The following SEL1L variants were observed in gnomAD, a reference collection of about 807,000 sequenced individuals.
SEL1L encodes SEL1L adaptor subunit of SYVN1 ubiquitin ligase.
In SEL1L, 52 loss-of-function variants were observed where a neutral mutation model predicts 109.8. The observed-to-expected ratio is 0.47, with a 90% CI of 0.38 to 0.60. The LOEUF (loss-of-function observed/expected upper bound fraction) is 0.60. SEL1L is among the 20% of genes least tolerant of loss of function. The pLI, the probability that SEL1L is intolerant of heterozygous loss-of-function variation, is 0.00. For missense variants in SEL1L, 749 were observed against 962.2 expected, an observed-to-expected ratio of 0.78 and a Z score of 2.93; for synonymous variants, 373 against 339.6, an observed-to-expected ratio of 1.10 and a Z score of -1.08.
intron 2 of SEL1L, among the ~76,000 whole-genome samples, chr14:81,527,217 G>T (rs931087048): frequency 2.0e-5 from 3 of 152,006 alleles, no homozygotes; most frequent in Non-Finnish European, 4.4e-5. Context: ...TCTGGGTTCG[G>T]TTTTCCTCCA....
intron 3 of SEL1L, among the ~76,000 whole-genome samples, chr14:81,509,582 A>G (rs965879722): frequency 6.6e-5 from 10 of 152,242 alleles, no homozygotes; most frequent in Non-Finnish European, 1.5e-4. Context: ...TTACACTTCA[A>G]CTAGTAGAAA....
chr14:81,519,136 C>T (rs1042244295), intron 3 of SEL1L, among the ~76,000 whole-genome samples: 2 of 152,206 alleles, frequency 1.3e-5, no homozygotes, highest in African/African-American at 4.8e-5. Context: ...CTCTAGTTCT[C>T]TAATAAGCTA....
chr14:81,512,708 T>C (rs562004867), intron 3 of SEL1L, among the ~76,000 whole-genome samples: 7 of 152,360 alleles, frequency 4.6e-5, no homozygotes, highest in East Asian at 1.9e-4. Flanking sequence ...GGTTCTGCCA[T>C]TGTCTGATGG....
At chr14:81,532,063 C>T (rs1441681723) in intron 1 of SEL1L, among the ~76,000 whole-genome samples, 1 of 152,200 alleles carries the variant, frequency 6.6e-6, no homozygotes, top group Admixed American at 6.5e-5. Context: ...AGTGTTAAGT[C>T]TTTTATTACA....
At chr14:81,517,178 T>C (rs947838490) in intron 3 of SEL1L, among the ~76,000 whole-genome samples, 1 of 152,128 alleles carries the variant, frequency 6.6e-6, no homozygotes, top group Non-Finnish European at 1.5e-5. Context: ...AGCTGCTGTT[T>C]GTTGAGAGCC....
chr14:81,531,749 C>A (rs1885332479), intron 1 of SEL1L, among the ~76,000 whole-genome samples: 1 of 152,002 alleles, frequency 6.6e-6, no homozygotes, highest in Non-Finnish European at 1.5e-5. Context: ...CGCCATGTTG[C>A]CCAGGTTGGT....
intron 1 of SEL1L, 81 bp from the exon 2 acceptor site, chr14:81,527,819 A>T: frequency 2.3e-6 from 2 of 867,048 alleles, no homozygotes; most frequent in Non-Finnish European, 3.7e-6. Context: ...TGTGAAAAGT[A>T]TAGCAAATAA....
chr14:81,481,852 G>A (rs1414551749), intron 19 of SEL1L, among the ~76,000 whole-genome samples: 1 of 152,052 alleles, frequency 6.6e-6, no homozygotes, highest in Non-Finnish European at 1.5e-5. Context: ...CCAAGATGGT[G>A]AAACCCCGTC....
At position 81,506,297 on chromosome 14, in the gene SEL1L, G is replaced by T; in HGVS notation, c.341-56C>A. The T allele has an allele frequency of 4.3e-6, 6 of 1,392,622 alleles. No homozygotes were observed. The South Asian group carries it at 9.4e-5, about 22-fold the overall frequency. The allele number at this position is 1,392,622 out of a possible 1,614,324, so 86.3% of individuals were successfully genotyped here. Reference sequence around the variant, plus strand: ...TGAAACAACACCTCTGGTATTCATGGATTCAATGCCATCAATTTTGGCTGT... The same window carrying T: ...TGAAACAACACCTCTGGTATTCATGTATTCAATGCCATCAATTTTGGCTGT... On this transcript the variant is annotated intron_variant, in intron 3 of 20. Transcript: ENST00000336735.
chr14:81,494,966 G>A, intron 11 of SEL1L, 115 bp downstream of exon 11: 1 of 962,214 alleles, frequency 1.0e-6, no homozygotes, highest in Middle Eastern at 2.1e-4. Flanking sequence ...GCTCATTTGT[G>A]ATGGGTGTTT....
At chr14:81,490,693 G>A (rs1008619960) in intron 12 of SEL1L, among the ~76,000 whole-genome samples, 2 of 152,208 alleles carry the variant, frequency 1.3e-5, no homozygotes, top group Admixed American at 6.5e-5. Flanking sequence ...CCGATGTCAG[G>A]AGTTCAAGAC....
intron 19 of SEL1L, among the ~76,000 whole-genome samples, chr14:81,482,232 C>T (rs1903380312): frequency 6.6e-6 from 1 of 152,044 alleles, no homozygotes; most frequent in Non-Finnish European, 1.5e-5. Flanking sequence ...TAAATTAGAA[C>T]ACATTTTCTT....
chr14:81,507,570 A>C (rs1268875628), intron 3 of SEL1L, among the ~76,000 whole-genome samples: 1 of 151,666 alleles, frequency 6.6e-6, no homozygotes, highest in Non-Finnish European at 1.5e-5. Context: ...TAAAAAAACA[A>C]ACAAACAAAA....
intron 11 of SEL1L, among the ~76,000 whole-genome samples, chr14:81,494,356 A>G (rs1277093127): frequency 6.6e-6 from 1 of 152,114 alleles, no homozygotes; most frequent in African/African-American, 2.4e-5. Flanking sequence ...TCTCACCTGA[A>G]CTTCTCGAAT....
At chr14:81,490,013 G>C (rs1212515385) in intron 13 of SEL1L, among the ~76,000 whole-genome samples, 1 of 152,178 alleles carries the variant, frequency 6.6e-6, no homozygotes, top group Non-Finnish European at 1.5e-5. Flanking sequence ...AGTTTTCTGA[G>C]CCAAAGAAAG....
At chr14:81,533,465 G>A (rs936005528) in intron 1 of SEL1L, among the ~76,000 whole-genome samples, 3 of 152,208 alleles carry the variant, frequency 2.0e-5, no homozygotes, top group African/African-American at 7.2e-5. Context: ...TGTGGGCAGG[G>A]TGACCGCCCC....
At chr14:81,499,298 A>T in intron 8 of SEL1L, 161 bp downstream of exon 8, 2 of 1,326,840 alleles carry the variant, frequency 1.5e-6, no homozygotes, top group Non-Finnish European at 1.9e-6. Flanking sequence ...TGTAGATTCC[A>T]TGTGTTATAT....
chr14:81,525,582 T>C (rs913511152), intron 3 of SEL1L, among the ~76,000 whole-genome samples: 4 of 152,008 alleles, frequency 2.6e-5, no homozygotes, highest in Non-Finnish European at 5.9e-5. Context: ...AATTTAACAA[T>C]GTGTATCTAC....
At chr14:81,521,090 G>C (rs186102149) in intron 3 of SEL1L, among the ~76,000 whole-genome samples, 1 of 152,150 alleles carries the variant, frequency 6.6e-6, no homozygotes, top group Non-Finnish European at 1.5e-5. Context: ...TCTGATTCTT[G>C]TAAGTTCAAT....
Sources: allele counts gnomAD v4.1 joint callset (sites outside exome capture counted in the v4.1 genomes callset), GRCh38; gene constraint gnomAD v4.1.1; transcripts MANE v1.5; gene names NCBI Gene and HGNC (gene_info 2026-07-23, HGNC 2026-07-21).